Variants in KLHL6 observed in about 807,000 individuals in gnomAD.
KLHL6 encodes the protein kelch like family member 6.
Under a neutral mutation model 58.6 loss-of-function variants are expected in KLHL6, and 41 were observed. That is an observed-to-expected ratio of 0.70 (90% CI 0.55 to 0.91). KLHL6 has a LOEUF of 0.91. Ranked by LOEUF, KLHL6 falls within the 40% of genes least tolerant of loss-of-function variation. The pLI, the probability that KLHL6 is intolerant of heterozygous loss-of-function variation, is 0.00. For missense variants in KLHL6, 714 were observed against 805.6 expected (o/e 0.89, Z 1.38); for synonymous variants, 338 against 322.7 (o/e 1.05, Z -0.51).
chr3:183,499,820 G>C lies in KLHL6; in HGVS notation c.917C>G (p.Ser306Trp). 1 of 1,575,024 alleles carries C rather than the reference G, an allele frequency of 6.3e-7. No homozygotes were observed. The highest frequency in any genetic ancestry group is 8.6e-7 in the Non-Finnish European group (1 of 1,159,584). The change falls in exon 4 of 7, where the codon TCG becomes TGG. Residue 306 changes from serine to tryptophan, a missense_variant. Around this residue, in one of 2 missense-constraint regions of KLHL6, gnomAD observed 510 missense variants for 629.7 expected, o/e 0.81. Transcript: ENST00000341319. The surrounding 1 kb of genome is among the most constrained non-coding windows in gnomAD (Gnocchi z 4.6). Reference protein sequence around the residue: ...MYHLSGNEIISERTKPRMHEF... With the variant: ...MYHLSGNEIIWERTKPRMHEF... The stretch of plus-strand genomic sequence containing the variant: ...ATGCATCCTGGGCTTGGTGCGTTCC[G>C]AAATGATCTGGAAATCGATGGGGGT...
chr3:183,504,606 C>T (rs144132415), intron 3 of KLHL6, among the ~76,000 whole-genome samples: 2,826 of 152,220 alleles, frequency 0.019, 39 homozygotes, highest in Non-Finnish European at 0.026. Context: ...ATTTCAAGGA[C>T]TTAGAAAATA....
At chr3:183,520,307 G>C (rs1303521835) in intron 2 of KLHL6, 1 of 152,072 alleles carries the variant, frequency 6.6e-6, no homozygotes, top group Non-Finnish European at 1.5e-5. Flanking sequence ...AGACAAAAGA[G>C]TTGTTAAATG....
At chr3:183,497,086 C>G (rs1717733602) in intron 4 of KLHL6, among the ~76,000 whole-genome samples, 1 of 152,172 alleles carries the variant, frequency 6.6e-6, no homozygotes, top group South Asian at 2.1e-4. Flanking sequence ...TGAGACCAGC[C>G]TGTCAATATG....
In KLHL6 at chr3:183,527,911, G is replaced by A. The variant is rs1712029904; in HGVS notation, c.393C>T (p.Tyr131=). 1 of 1,613,978 alleles carries A rather than the reference G, an allele frequency of 6.2e-7. No individual in the cohort carries two copies. The highest frequency in any genetic ancestry group is 1.3e-5 in the African/African-American group (1 of 74,890). Residue 131 remains tyrosine, a synonymous_variant, in exon 2 of 7, where the codon TAC becomes TAT. Coordinates refer to ENST00000341319, the MANE Select transcript of KLHL6 (RefSeq NM_130446.4). ...ETMHTLLDYT[Y]TSKALITKQN... is the part of the protein sequence containing the mutation. ...GCTTGGTGATCAGCGCCTTGCTGGT[G>A]TACGTGTAGTCCAACAGAGTGTGCA...
Position 183,508,425 on chromosome 3 carries a change from A to G in KLHL6, c.543T>C (p.Ala181=), listed in dbSNP as rs16857710. The G allele has an allele frequency of 0.029, 46,476 of 1,614,134 alleles. 4,989 individuals carry two copies. In the African/African-American group the frequency reaches 0.31, roughly 11 times the overall value. ...PENCVGILRL[A]DTHSLDSLKK... is the part of the protein sequence containing the mutation. ...TTAGACTGTCCAGCGAGTGTGTGTC[A>G]GCCAGCCTCAGTATTCCAACGCAGT... Residue 181 remains alanine (A), a synonymous_variant, in exon 3 of 7, where the codon GCT becomes GCC. Transcript: ENST00000341319.
rs1221065632 is a variant in KLHL6, at chr3:183,499,352, AAAAGAAAAG to A, written c.1147+229_1147+237del. 6.6e-6 allele frequency among the ~76,000 whole-genome samples: 1 copy of A among 151,758 alleles called. No homozygotes were observed. Among genetic ancestry groups the A allele is most frequent in the Non-Finnish European group, 1.5e-5 (1 of 67,884 alleles). On this transcript the variant is annotated intron_variant, in intron 4 of 6. Transcript: ENST00000341319. The surrounding 1 kb of genome is among the most constrained non-coding windows in gnomAD (Gnocchi z 4.6). ...CAGAGCGAGACGCTGTCTCAAAAAAAAAAGAAAAGAAAAGAAAAGAAAAAAATAGTACAA... is the reference window on the plus strand; with the variant it reads ...CAGAGCGAGACGCTGTCTCAAAAAAAAAAAGAAAAGAAAAAAATAGTACAA...
At chr3:183,522,146 T>C (rs1028001004) in intron 2 of KLHL6, among the ~76,000 whole-genome samples, 2 of 151,144 alleles carry the variant, frequency 1.3e-5, no homozygotes, top group Non-Finnish European at 3.0e-5. Flanking sequence ...GCCAACATGG[T>C]GAAACCCCGT....
chr3:183,510,805 G>A (rs1259715821), intron 2 of KLHL6, among the ~76,000 whole-genome samples: 3 of 152,042 alleles, frequency 2.0e-5, no homozygotes, highest in African/African-American at 4.8e-5. Flanking sequence ...CCTGGGAGGC[G>A]GAGGTTGCGG....
intron 3 of KLHL6, among the ~76,000 whole-genome samples, chr3:183,505,870 A>G (rs184306492): frequency 1.3e-5 from 2 of 152,364 alleles, no homozygotes; most frequent in Admixed American, 6.5e-5. Context: ...TCCTATATCT[A>G]TTAAAGAGAT....
At chr3:183,551,407 T>C (rs1712911724) in intron 1 of KLHL6, among the ~76,000 whole-genome samples, 1 of 152,140 alleles carries the variant, frequency 6.6e-6, no homozygotes, top group African/African-American at 2.4e-5. Context: ...TGAAAGATTT[T>C]TGTGAGCCTG....
chr3:183,529,791 A>T (rs1007488900), intron 1 of KLHL6, among the ~76,000 whole-genome samples: 1 of 151,834 alleles, frequency 6.6e-6, no homozygotes, highest in Non-Finnish European at 1.5e-5. Flanking sequence ...TCTCAAAAAA[A>T]AAAGAAAGAA....
At chr3:183,528,705 A>T (rs935785536) in intron 1 of KLHL6, among the ~76,000 whole-genome samples, 6 of 152,186 alleles carry the variant, frequency 3.9e-5, no homozygotes, top group African/African-American at 1.4e-4. Context: ...AGCTCCACCA[A>T]CCCAGGAGTT....
In KLHL6 at chr3:183,492,504, G is replaced by C; in HGVS notation, c.1554C>G (p.Ile518Met). 1 of 1,614,214 alleles carries C rather than the reference G, an allele frequency of 6.2e-7. No individual in the cohort carries two copies. Among genetic ancestry groups the C allele is most frequent in the Non-Finnish European group, 8.5e-7 (1 of 1,180,026 alleles). The change falls in exon 6 of 7, where the codon ATC (isoleucine) becomes ATG (methionine). Residue 518 changes from isoleucine (I) to methionine (M), a missense_variant. By Grantham distance (10) the Ile-to-Met change is conservative. Around this residue, in one of 2 missense-constraint regions of KLHL6, gnomAD observed 510 missense variants for 629.7 expected, o/e 0.81. Coordinates refer to ENST00000341319, the MANE Select transcript of KLHL6 (RefSeq NM_130446.4). This position sits in a 1 kb window ranked among gnomAD's most constrained non-coding sequence, Gnocchi z 5.9. ...GAAGCCATTACTCACCAACGACATA[G>C]ATGCGGTCCCGGAAACTCACTGCAT... ...CINAVSFRDR[I>M]YVVGGAMRAL... is the part of the protein sequence containing the mutation.
Position 183,525,269 on chromosome 3 carries a change from A to AACACACACACAC in KLHL6, c.459+2564_459+2575dup, listed in dbSNP as rs1553811030. 5.8e-4 allele frequency among the ~76,000 whole-genome samples: 77 copies of AACACACACACAC among 133,866 alleles called. 1 individual carries two copies. The highest frequency in any genetic ancestry group is 2.0e-3 in the African/African-American group (74 of 36,354). 87.8% of individuals were successfully genotyped at this position (133,866 alleles called of 152,430 possible). A position where few individuals can be genotyped will look rare whatever the true frequency, so the allele number is the denominator to read the frequency against. ...ACAGAGTGAGACTCTCTAAAAAAAA[A>AACACACACACAC]ACACACACACACACACACACACACA... is the stretch of plus-strand genomic sequence containing the variant. On this transcript the variant is annotated intron_variant, in intron 2 of 6. Coordinates refer to ENST00000341319, the MANE Select transcript of KLHL6 (RefSeq NM_130446.4).
At chr3:183,519,333 G>A (rs1711664470) in intron 2 of KLHL6, among the ~76,000 whole-genome samples, 1 of 152,180 alleles carries the variant, frequency 6.6e-6, no homozygotes, top group African/African-American at 2.4e-5. Flanking sequence ...ATGTCAGTGA[G>A]AAAGGAATGA....
chr3:183,531,451 T>TTTG (rs993019960), intron 1 of KLHL6, among the ~76,000 whole-genome samples: 12 of 131,360 alleles, frequency 9.1e-5, no homozygotes, highest in African/African-American at 3.4e-4. Flanking sequence ...GTGTTTTTTT[T>TTTG]TTTTTTTTTT....
chr3:183,546,025 C>T (rs1471393875), intron 1 of KLHL6, among the ~76,000 whole-genome samples: 2 of 152,194 alleles, frequency 1.3e-5, no homozygotes, highest in African/African-American at 4.8e-5. Context: ...ATTGCAATGG[C>T]ATCGAGGAGA....
At chr3:183,526,389 G>A (rs1019057153) in intron 2 of KLHL6, among the ~76,000 whole-genome samples, 1 of 152,182 alleles carries the variant, frequency 6.6e-6, no homozygotes, top group African/African-American at 2.4e-5. Flanking sequence ...CCCTTATGAT[G>A]CCGTGAAGCC....
intron 1 of KLHL6, among the ~76,000 whole-genome samples, chr3:183,547,501 G>C (rs59430654): frequency 0.14 from 21,680 of 151,958 alleles, 2,608 homozygotes; most frequent in African/African-American, 0.33. Context: ...TTTGCCCCCT[G>C]TTTTCATTAT....
Sources: gnomAD v4.1 joint callset for allele counts (sites outside exome capture counted in the v4.1 genomes callset) on GRCh38, gnomAD v4.1.1 for gene constraint, gnomAD v4.1.1 regional missense constraint, Gnocchi (gnomAD v3.1) non-coding constraint, MANE v1.5 for transcripts, NCBI Gene and HGNC (gene_info 2026-07-23, HGNC 2026-07-21) for gene names.